Variants in WDR20 observed in about 807,000 individuals in gnomAD.
The protein encoded by WDR20 is WD repeat domain 20, also known as WD repeat-containing protein 20.
In WDR20, 3 loss-of-function variants were observed where a neutral mutation model predicts 38.7. The ratio of observed to expected loss-of-function variants is 0.08; its 90% CI spans 0.04 to 0.20. The LOEUF (loss-of-function observed/expected upper bound fraction) is 0.20. WDR20 is among the 10% of genes least tolerant of loss of function. WDR20 has a pLI of 1.00. For missense variants in WDR20, 559 were observed against 727.7 expected (o/e 0.77, Z 2.67); for synonymous variants, 298 against 285.6 (o/e 1.04, Z -0.44).
rs144882895 is a variant in WDR20 at position 102,193,768 on chromosome 14, C to T, written c.250-1170C>T. 4.6e-3 allele frequency among the ~76,000 whole-genome samples: 699 copies of T among 152,196 alleles called. 6 individuals carry two copies. Among genetic ancestry groups the T allele is most frequent in the African/African-American group, 0.016 (645 of 41,530 alleles). ...AAGAAATCTTCAGAACCTGAGGGGG[C>T]GGTCAGTAGAGAACTAGAGCCGGGA... On this transcript the variant is annotated intron_variant, in intron 1 of 2. Coordinates refer to ENST00000342702, the MANE Select transcript of WDR20 (RefSeq NM_144574.4).
intron 1 of WDR20, among the ~76,000 whole-genome samples, chr14:102,151,734 T>C (rs2055943765): frequency 6.6e-6 from 1 of 151,042 alleles, no homozygotes; most frequent in Non-Finnish European, 1.5e-5. Context: ...CTCTTTTCTT[T>C]TCCTTTTTCT....
intron 1 of WDR20, among the ~76,000 whole-genome samples, chr14:102,153,598 G>A (rs539393475): frequency 3.9e-5 from 6 of 152,134 alleles, no homozygotes; most frequent in African/African-American, 9.6e-5. Context: ...GAGCCACCGC[G>A]CCCGGCCACC....
intron 1 of WDR20, chr14:102,193,610 A>G (rs2058917757): frequency 3.3e-6 from 4 of 1,208,196 alleles, no homozygotes; most frequent in Non-Finnish European, 4.6e-6. Context: ...AGACTTCTAC[A>G]TGTGCAAGGT....
rs1410388677 is a variant in WDR20, at chr14:102,202,383, T to G, written c.433-6220T>G. ...TGCCCTGTATGGAGGTTTTTTTTTT[T>G]TTTTTTTTTTTTTTGAGACGGAGTC... On this transcript the variant is annotated intron_variant, in intron 2 of 2. Coordinates refer to ENST00000342702, the MANE Select transcript of WDR20 (RefSeq NM_144574.4). 9.4e-5 allele frequency among the ~76,000 whole-genome samples: 13 copies of G among 137,948 alleles called. No homozygotes were observed. The South Asian group carries it at 1.7e-3, about 18-fold the overall frequency. The allele number at this position is 137,948 out of a possible 152,430, so 90.5% of individuals were successfully genotyped here. A position where few individuals can be genotyped will look rare whatever the true frequency, so the allele number is the denominator to read the frequency against.
At chr14:102,161,143 T>TATATTTTTTTTTTTA (rs1491558046) in intron 1 of WDR20, among the ~76,000 whole-genome samples, 1 of 11,252 alleles carries the variant, frequency 8.9e-5, no homozygotes, top group African/African-American at 4.3e-4. Context: ...TATATATATA[T>TATATTTTTTTTTTTA]TTTTTTTTTT....
chr14:102,206,537 A>G (rs2153003494), intron 2 of WDR20, among the ~76,000 whole-genome samples: 1 of 152,314 alleles, frequency 6.6e-6, no homozygotes, highest in East Asian at 1.9e-4. Flanking sequence ...CACACATGGT[A>G]AATAGAGTAA....
rs541931694 is a variant in WDR20, at chr14:102,181,226, T to C, written c.250-13712T>C. Among the ~76,000 whole-genome samples, 5 of 152,238 alleles carry C rather than the reference T, an allele frequency of 3.3e-5. No homozygotes were observed. In the South Asian group the frequency reaches 1.0e-3, roughly 32 times the overall value. On this transcript the variant is annotated intron_variant, in intron 1 of 2. Coordinates refer to ENST00000342702, the MANE Select transcript of WDR20 (RefSeq NM_144574.4). Reference sequence around the variant, plus strand: ...GTTCATGGCACTGTGTTATAAATAATAGAATAATTTCAGGTTCTGTCTGGT... The same window carrying C: ...GTTCATGGCACTGTGTTATAAATAACAGAATAATTTCAGGTTCTGTCTGGT...
At chr14:102,193,424 G>A in intron 1 of WDR20, 1 of 1,597,082 alleles carries the variant, frequency 6.3e-7, no homozygotes, top group South Asian at 1.1e-5. Context: ...CACTTTTCAA[G>A]GCTCTTTCAT....
chr14:102,195,696 C>G (rs1184910098), intron 2 of WDR20, among the ~76,000 whole-genome samples: 1 of 152,202 alleles, frequency 6.6e-6, no homozygotes, highest in Non-Finnish European at 1.5e-5. Context: ...CTAGTATCTT[C>G]AATTTCATTC....
At chr14:102,214,863 T>C, downstream of WDR20, 1 of 984,592 alleles carries the variant, frequency 1.0e-6, no homozygotes, top group Non-Finnish European at 1.2e-6. Context: ...TCATGTTTGT[T>C]TCACTGCTTT....
chr14:102,212,143 C>G (rs1034909227), downstream of WDR20, among the ~76,000 whole-genome samples: 1 of 152,158 alleles, frequency 6.6e-6, no homozygotes, highest in East Asian at 1.9e-4. Context: ...AAAACAACTC[C>G]GAAGTGTGCT....
chr14:102,210,100 G>A lies in WDR20; in HGVS notation c.*220G>A. ...TATAATCAAACTAATTGCCAGCCAA[G>A]TCAGTCATCCTCCTGGGAGTATATA... is the stretch of plus-strand genomic sequence containing the variant. On this transcript the variant is annotated 3_prime_UTR_variant, in exon 3 of 3. Coordinates refer to ENST00000342702, the MANE Select transcript of WDR20 (RefSeq NM_144574.4). The A allele has an allele frequency of 7.6e-7, 1 of 1,321,382 alleles. No individual in the cohort carries two copies. Among genetic ancestry groups the A allele is most frequent in the South Asian group, 2.0e-5 (1 of 49,146 alleles). 81.9% of individuals were successfully genotyped at this position (1,321,382 alleles called of 1,614,324 possible). A position where few individuals can be genotyped will look rare whatever the true frequency, so the allele number is the denominator to read the frequency against.
chr14:102,154,631 G>T (rs2056939829), intron 1 of WDR20, among the ~76,000 whole-genome samples: 2 of 152,130 alleles, frequency 1.3e-5, no homozygotes, highest in African/African-American at 4.8e-5. Flanking sequence ...AGCTTCCTGA[G>T]AGCATGAATA....
chr14:102,152,236 C>T (rs115737304), intron 1 of WDR20, among the ~76,000 whole-genome samples: 2,066 of 151,882 alleles, frequency 0.014, 54 homozygotes, highest in African/African-American at 0.047. Flanking sequence ...TCTTTTTCTT[C>T]CTCTCGGATA....
At chr14:102,153,740 T>C (rs1428989687) in intron 1 of WDR20, among the ~76,000 whole-genome samples, 1 of 152,212 alleles carries the variant, frequency 6.6e-6, no homozygotes. Context: ...AACTGCTTCC[T>C]CTACTAGGAA....
intron 2 of WDR20, among the ~76,000 whole-genome samples, chr14:102,202,372 G>GTTTTTTTTTT (rs5811062): frequency 3.0e-5 from 2 of 67,630 alleles, no homozygotes; most frequent in Non-Finnish European, 5.1e-5. Context: ...CTGTATGGAG[G>GTTTTTTTTTT]TTTTTTTTTT....
intron 1 of WDR20, among the ~76,000 whole-genome samples, chr14:102,193,848 CAG>C (rs2058961613): frequency 6.6e-6 from 1 of 151,924 alleles, no homozygotes; most frequent in South Asian, 2.1e-4. Flanking sequence ...AGTTCTGCTT[CAG>C]GGTTAGTTGT....
rs75469171 is a variant in WDR20 at position 102,143,463 on chromosome 14, C to T, written c.249+3291C>T. Among the ~76,000 whole-genome samples the T allele has an allele frequency of 7.4e-3, 1,130 of 152,152 alleles. 16 individuals are homozygous for T. The highest frequency in any genetic ancestry group is 0.025 in the African/African-American group (1,057 of 41,488). ...GTGACTACTGTGATAGTAATAATAC[C>T]AGGCAAGGTGATGTGAGGTATTCAG... is the stretch of plus-strand genomic sequence containing the variant. On this transcript the variant is annotated intron_variant, in intron 1 of 2. Transcript: ENST00000342702.
At chr14:102,188,744 C>T (rs1343675793) in intron 1 of WDR20, among the ~76,000 whole-genome samples, 4 of 151,402 alleles carry the variant, frequency 2.6e-5, no homozygotes, top group East Asian at 1.9e-4. Flanking sequence ...CATGGTGGCA[C>T]GCATCTGTGT....
Sources: allele counts gnomAD v4.1 joint callset (sites outside exome capture counted in the v4.1 genomes callset), GRCh38; gene constraint gnomAD v4.1.1; transcripts MANE v1.5; gene names NCBI Gene and HGNC (gene_info 2026-07-23, HGNC 2026-07-21).